HMGCS1: variants seen among roughly 807,000 people sequenced by gnomAD.
The protein encoded by HMGCS1 is 3-hydroxy-3-methylglutaryl-CoA synthase 1.
In HMGCS1, 9 loss-of-function variants were observed where a neutral mutation model predicts 52.3. That is an observed-to-expected ratio of 0.17 (90% CI 0.10 to 0.30). HMGCS1 has a LOEUF of 0.30. Among genes scored for constraint, HMGCS1 ranks in the 10% least tolerant of loss-of-function variants. The probability of loss-of-function intolerance (pLI) is 1.00; values close to 1 mark genes in which losing one functional copy is unlikely to be tolerated. For synonymous variants in HMGCS1, 176 were observed against 214.4 expected (o/e 0.82, Z 1.57); for missense variants, 320 against 620.9 (o/e 0.52, Z 5.15).
rs1313510994 is a variant in HMGCS1 at position 43,292,576 on chromosome 5, C to T, written c.1371G>A (p.Arg457=). The T allele has an allele frequency of 4.3e-6, 7 of 1,613,810 alleles. No homozygotes were observed. The highest frequency in any genetic ancestry group is 5.1e-6 in the Non-Finnish European group (6 of 1,179,782). Residue 457 remains arginine (R), a synonymous_variant, in exon 10 of 11, where the codon AGG becomes AGA. Transcript: ENST00000325110. Reference sequence around the variant, plus strand: ...AAGTTCTTCTGTGCTTTTCATCCACCCTAACTAAGTACCACGTTCCTTCAA... The same window carrying T: ...AAGTTCTTCTGTGCTTTTCATCCACTCTAACTAAGTACCACGTTCCTTCAA... The part of the protein sequence containing the change: ...SLFEGTWYLV[R]VDEKHRRTYA...
chr5:43,303,406 T>C (rs72754515), intron 2 of HMGCS1, among the ~76,000 whole-genome samples: 13,172 of 152,324 alleles, frequency 0.086, 762 homozygotes, highest in Middle Eastern at 0.23. Flanking sequence ...CTCTATGCCA[T>C]GTGAGGACAC....
At chr5:43,310,943 A>G (rs1295054059) in intron 1 of HMGCS1, among the ~76,000 whole-genome samples, 2 of 152,206 alleles carry the variant, frequency 1.3e-5, no homozygotes, top group African/African-American at 4.8e-5. Flanking sequence ...TTCAAAGATT[A>G]GCCTCTCCGC....
rs112355768 is a variant in HMGCS1, at chr5:43,312,695, C to CA, written c.-70+660dup. On this transcript the variant is annotated intron_variant, in intron 1 of 10. Transcript: ENST00000325110. Reference sequence around the variant, plus strand: ...GGAAGCCTATTTTTTAAAACGTAGACAAAAAAAAATATGGAGGCAGGAAGG... The same window carrying CA: ...GGAAGCCTATTTTTTAAAACGTAGACAAAAAAAAAATATGGAGGCAGGAAGG... 3.2e-3 allele frequency among the ~76,000 whole-genome samples: 483 copies of CA among 149,798 alleles called. 1 individual carries two copies. Among genetic ancestry groups the CA allele is most frequent in the African/African-American group, 0.011 (430 of 40,784 alleles).
Position 43,308,528 on chromosome 5 carries a change from C to T in HMGCS1, c.-69-704G>A, listed in dbSNP as rs745721634. ...CCCAACCTTTTATAAAGTGATTTTCCCTCTTACTGCTTATGTTAAAAAATT... is the reference window on the plus strand; with the variant it reads ...CCCAACCTTTTATAAAGTGATTTTCTCTCTTACTGCTTATGTTAAAAAATT... On this transcript the variant is annotated intron_variant, in intron 1 of 10. Coordinates refer to ENST00000325110, the MANE Select transcript of HMGCS1 (RefSeq NM_001098272.3). Among the ~76,000 whole-genome samples the T allele has an allele frequency of 5.3e-5, 8 of 152,244 alleles. No homozygotes were observed. In the East Asian group the frequency reaches 1.5e-3, roughly 29 times the overall value.
Position 43,292,981 on chromosome 5 carries a change from AGTG to A in HMGCS1, c.1184-11_1184-9del. 6.3e-7 allele frequency: 1 copy of A among 1,574,830 alleles called. No homozygotes were observed. Among genetic ancestry groups the A allele is most frequent in the East Asian group, 2.3e-5 (1 of 44,140 alleles). ...TTTTATCAAGAGCAGACCCTAAAAT[AGTG>A]AATAATTCAACATTAAAAGATTTTT... On this transcript the variant is annotated splice_polypyrimidine_tract_variant and intron_variant, in intron 8 of 10. Coordinates refer to ENST00000325110, the MANE Select transcript of HMGCS1 (RefSeq NM_001098272.3).
chr5:43,295,703 T>A (rs1332481940), intron 6 of HMGCS1, 49 bp downstream of exon 6: 1 of 1,401,774 alleles, frequency 7.1e-7, no homozygotes, highest in Non-Finnish European at 9.9e-7. Flanking sequence ...TAACAGATAT[T>A]AAAAATGCTC....
At chr5:43,301,848 G>A (rs1334429901) in intron 2 of HMGCS1, among the ~76,000 whole-genome samples, 1 of 152,222 alleles carries the variant, frequency 6.6e-6, no homozygotes, top group Non-Finnish European at 1.5e-5. Context: ...GTTAGGGAAA[G>A]AAGAAAATGT....
chr5:43,302,968 T>A (rs567940080), intron 2 of HMGCS1, among the ~76,000 whole-genome samples: 3 of 152,238 alleles, frequency 2.0e-5, no homozygotes, highest in Non-Finnish European at 1.5e-5. Context: ...ATTCCTTATG[T>A]GTTTTTTCAC....
chr5:43,307,362 T>G (rs1266276615), intron 2 of HMGCS1, among the ~76,000 whole-genome samples: 1 of 152,158 alleles, frequency 6.6e-6, no homozygotes, highest in African/African-American at 2.4e-5. Flanking sequence ...CGTGAGCCAC[T>G]GTGCCTGGCC....
chr5:43,292,405 T>C lies in HMGCS1; in HGVS notation c.1473+69A>G, dbSNP rs867581972. Reference sequence around the variant, plus strand: ...CCTTACTCTTCTTTACTGACATTTATTTATGTTGCTAAATCCCAGTTAGGT... The same window carrying C: ...CCTTACTCTTCTTTACTGACATTTACTTATGTTGCTAAATCCCAGTTAGGT... On this transcript the variant is annotated intron_variant, in intron 10 of 10. Transcript: ENST00000325110. 5.2e-5 allele frequency: 65 copies of C among 1,243,868 alleles called. 1 individual carries two copies. The Middle Eastern group carries it at 6.5e-3, about 125-fold the overall frequency. 77.1% of individuals were successfully genotyped at this position (1,243,868 alleles called of 1,614,324 possible). A position where few individuals can be genotyped will look rare whatever the true frequency, so the allele number is the denominator to read the frequency against.
At position 43,295,107 on chromosome 5, in the gene HMGCS1, T is replaced by C. The variant is rs148949263; in HGVS notation, c.906-246A>G. Among the ~76,000 whole-genome samples, 45 of 152,348 alleles carry C rather than the reference T, an allele frequency of 3.0e-4. 1 individual carries two copies. The highest frequency in any genetic ancestry group is 1.0e-3 in the African/African-American group (43 of 41,590). On this transcript the variant is annotated intron_variant, in intron 6 of 10. Coordinates refer to ENST00000325110, the MANE Select transcript of HMGCS1 (RefSeq NM_001098272.3). ...TTTGAATAGGTTAAAAGACGCACTG[T>C]AGCTTTATATTTATATTCACTTATA...
intron 2 of HMGCS1, among the ~76,000 whole-genome samples, chr5:43,305,935 T>G (rs1380552148): frequency 6.6e-6 from 1 of 152,140 alleles, no homozygotes; most frequent in Non-Finnish European, 1.5e-5. Flanking sequence ...GAGTACTATA[T>G]TCACCATAAA....
At chr5:43,293,558 AT>A (rs34148210) in intron 8 of HMGCS1, among the ~76,000 whole-genome samples, 88,542 of 141,946 alleles carry the variant, frequency 0.62, 28,341 homozygotes, top group African/African-American at 0.82. Flanking sequence ...ATAAGGTAGA[AT>A]TTTTTTTTTT....
chr5:43,308,015 A>G (rs150306039), intron 1 of HMGCS1, among the ~76,000 whole-genome samples, 191 bp from the exon 2 acceptor site: 1 of 152,344 alleles, frequency 6.6e-6, no homozygotes, highest in African/African-American at 2.4e-5. Flanking sequence ...CCTTATTTTC[A>G]TAGCCCTTAT....
chr5:43,288,864 T>G lies in HMGCS1; in HGVS notation c.*2267A>C, dbSNP rs950215337. ...GAATCCTAAGACTTGATGGTGCTCT[T>G]AGGGATCATCTAATCCAAAATTACT... On this transcript the variant is annotated 3_prime_UTR_variant, in exon 11 of 11. Transcript: ENST00000325110. 2 of 152,184 alleles carry G rather than the reference T, an allele frequency of 1.3e-5. No individual in the cohort carries two copies. The highest frequency in any genetic ancestry group is 2.9e-5 in the Non-Finnish European group (2 of 68,024). The allele number at this position is 152,184 out of a possible 1,614,324, so 9.4% of individuals were successfully genotyped here.
intron 1 of HMGCS1, among the ~76,000 whole-genome samples, chr5:43,309,861 A>G (rs1310912747): frequency 6.6e-6 from 1 of 152,206 alleles, no homozygotes; most frequent in Non-Finnish European, 1.5e-5. Context: ...GGCAAAGACT[A>G]AAACACAAGA....
intron 2 of HMGCS1, among the ~76,000 whole-genome samples, chr5:43,299,285 C>A (rs145358484): frequency 3.3e-5 from 5 of 152,186 alleles, no homozygotes; most frequent in African/African-American, 1.2e-4. Flanking sequence ...TTGTAAAGAA[C>A]TGTAAGATAA....
At chr5:43,291,987 CTTTTTTTTTTT>C (rs537398917) in intron 10 of HMGCS1, among the ~76,000 whole-genome samples, 5 of 83,114 alleles carry the variant, frequency 6.0e-5, no homozygotes, top group Non-Finnish European at 8.5e-5. Context: ...ACTGTATATT[CTTTTTTTTTTT>C]TTTTTTTTTT....
chr5:43,293,715 ATTTT>A (rs34929647), intron 8 of HMGCS1: 23 of 147,264 alleles, frequency 1.6e-4, no homozygotes, highest in East Asian at 1.9e-4. Context: ...TTCTCAATAC[ATTTT>A]TTTTTTTTTT....
Sources: allele counts gnomAD v4.1 joint callset (sites outside exome capture counted in the v4.1 genomes callset), GRCh38; gene constraint gnomAD v4.1.1; transcripts MANE v1.5; gene names NCBI Gene and HGNC (gene_info 2026-07-23, HGNC 2026-07-21).